WWOX: variants seen among roughly 807,000 people sequenced by gnomAD.
WWOX encodes WW domain-containing oxidoreductase.
A neutral mutation model predicts 46.2 loss-of-function variants in WWOX; 69 were observed. The ratio of observed to expected loss-of-function variants is 1.49; its 90% CI spans 1.23 to 1.82. WWOX has a LOEUF of 1.82. WWOX is among the 40% of genes most tolerant of loss of function. WWOX has a pLI of 0.00. For synonymous variants in WWOX, 359 were observed against 202.6 expected, an observed-to-expected ratio of 1.77 and a Z score of -6.56; for missense variants, 919 against 542.6, an observed-to-expected ratio of 1.69 and a Z score of -6.89.
chr16:78,813,111 C>G (rs1038076806), intron 8 of WWOX, among the ~76,000 whole-genome samples: 1 of 148,736 alleles, frequency 6.7e-6, no homozygotes, highest in Non-Finnish European at 1.5e-5. Context: ...AACTTGTATA[C>G]ACGTTGTTCT....
intron 8 of WWOX, among the ~76,000 whole-genome samples, chr16:78,592,223 G>T (rs188150193): frequency 6.6e-6 from 1 of 152,112 alleles, no homozygotes; most frequent in Non-Finnish European, 1.5e-5. Context: ...TTTATTTTTT[G>T]TTTGTTTGTT....
intron 8 of WWOX, among the ~76,000 whole-genome samples, chr16:78,718,223 C>T (rs1292783983): frequency 6.6e-6 from 1 of 151,196 alleles, no homozygotes; most frequent in East Asian, 1.9e-4. Context: ...CATTTGTAAA[C>T]AATTATGTAG....
chr16:78,804,001 TAGAA>T (rs2050961984), intron 8 of WWOX, among the ~76,000 whole-genome samples: 1 of 152,064 alleles, frequency 6.6e-6, no homozygotes. Context: ...GATGATGAGA[TAGAA>T]AGATAGAAAC....
chr16:78,559,272 C>G (rs1336310636), intron 8 of WWOX, among the ~76,000 whole-genome samples: 2 of 152,190 alleles, frequency 1.3e-5, no homozygotes, highest in African/African-American at 4.8e-5. Context: ...AGAAAGAGCC[C>G]TCTGGCTTCA....
intron 8 of WWOX, among the ~76,000 whole-genome samples, chr16:78,908,546 A>AG (rs2045026916): frequency 6.6e-6 from 1 of 151,132 alleles, no homozygotes; most frequent in Non-Finnish European, 1.5e-5. Context: ...TCTCGGAAAA[A>AG]AAAAAAAGAG....
At chr16:78,493,384 C>T (rs952636336) in intron 8 of WWOX, among the ~76,000 whole-genome samples, 4 of 152,162 alleles carry the variant, frequency 2.6e-5, no homozygotes, top group Non-Finnish European at 5.9e-5. Flanking sequence ...TTCATTTAGG[C>T]GTGGCTTGAT....
chr16:78,370,765 T>A (rs2081658333), intron 5 of WWOX, among the ~76,000 whole-genome samples: 1 of 121,288 alleles, frequency 8.2e-6, no homozygotes, highest in African/African-American at 3.0e-5. Context: ...CTTTTAAACT[T>A]TAAACTTTTT....
intron 5 of WWOX, among the ~76,000 whole-genome samples, chr16:78,262,278 T>G: frequency 6.6e-6 from 1 of 151,162 alleles, no homozygotes; most frequent in Non-Finnish European, 1.5e-5. Flanking sequence ...TGTATCTCTG[T>G]TAGATAGAGA....
At chr16:79,090,455 C>T (rs2048937264) in intron 8 of WWOX, among the ~76,000 whole-genome samples, 1 of 152,094 alleles carries the variant, frequency 6.6e-6, no homozygotes, top group Non-Finnish European at 1.5e-5. Context: ...CAGCAGTGAA[C>T]AAAGGAAATC....
chr16:79,019,579 A>G (rs374656611), intron 8 of WWOX, among the ~76,000 whole-genome samples: 7 of 152,132 alleles, frequency 4.6e-5, no homozygotes, highest in African/African-American at 1.7e-4. Flanking sequence ...TAGGGGAAAA[A>G]ACAAAAGCAG....
intron 8 of WWOX, among the ~76,000 whole-genome samples, chr16:78,741,428 C>T (rs145229475): frequency 1.4e-4 from 22 of 152,150 alleles, no homozygotes; most frequent in African/African-American, 3.6e-4. Flanking sequence ...GGCGTGGTGG[C>T]GCATGTCTGT....
chr16:78,206,655 G>A (rs1303103350), intron 5 of WWOX, among the ~76,000 whole-genome samples: 2 of 152,116 alleles, frequency 1.3e-5, no homozygotes, highest in African/African-American at 2.4e-5. Flanking sequence ...TACTTTTGTA[G>A]ATACAATTAA....
chr16:78,573,281 A>G lies in WWOX; in HGVS notation c.1056+140529A>G, dbSNP rs1429102875. Among the ~76,000 whole-genome samples, 25 of 152,240 alleles carry G rather than the reference A, an allele frequency of 1.6e-4. 1 individual carries two copies. The highest frequency in any genetic ancestry group is 5.9e-5 in the Non-Finnish European group (4 of 68,044). On this transcript the variant is annotated intron_variant, in intron 8 of 8. Transcript: ENST00000566780. ...AGCCTGGGCAACACAGCGTGACTCCATCTCAAAACAAACAAACAAAACAAA... is the reference window on the plus strand; with the variant it reads ...AGCCTGGGCAACACAGCGTGACTCCGTCTCAAAACAAACAAACAAAACAAA...
At chr16:78,749,703 A>G (rs1284159297) in intron 8 of WWOX, among the ~76,000 whole-genome samples, 1 of 152,192 alleles carries the variant, frequency 6.6e-6, no homozygotes, top group African/African-American at 2.4e-5. Context: ...CATTTAATAT[A>G]TATCTGTGAA....
At chr16:78,243,622 C>CT (rs1286660326) in intron 5 of WWOX, among the ~76,000 whole-genome samples, 1 of 152,184 alleles carries the variant, frequency 6.6e-6, no homozygotes, top group African/African-American at 2.4e-5. Context: ...TCTTGGCTCA[C>CT]TGCAACCTCC....
At chr16:78,354,332 G>C (rs1220032105) in intron 5 of WWOX, among the ~76,000 whole-genome samples, 7 of 18,106 alleles carry the variant, frequency 3.9e-4, no homozygotes, top group African/African-American at 2.3e-3. Flanking sequence ...TTTTTGGTCA[G>C]GTGTGTAGGT....
intron 5 of WWOX, among the ~76,000 whole-genome samples, chr16:78,288,755 TG>T (rs2079811562): frequency 6.6e-6 from 1 of 152,174 alleles, no homozygotes. Flanking sequence ...CTAACCACAA[TG>T]GGTCATAATT....
rs1036470060 is a variant in WWOX, at chr16:78,961,840, T to G, written c.1057-249768T>G. Among the ~76,000 whole-genome samples, 20 of 152,200 alleles carry G rather than the reference T, an allele frequency of 1.3e-4. 1 individual carries two copies. The highest frequency in any genetic ancestry group is 4.8e-4 in the African/African-American group (20 of 41,450). The stretch of plus-strand genomic sequence containing the variant: ...TTAATGCATCTCTATTTCTGCTACA[T>G]CTTCCATGAAGTTGATTTTGCAGAA... On this transcript the variant is annotated intron_variant, in intron 8 of 8. Transcript: ENST00000566780.
At chr16:78,526,741 C>A (rs2043479283) in intron 8 of WWOX, among the ~76,000 whole-genome samples, 1 of 152,096 alleles carries the variant, frequency 6.6e-6, no homozygotes, top group Admixed American at 6.6e-5. Context: ...ATGCCCAGGC[C>A]CCTACTAGGA....
Sources: gnomAD v4.1 joint callset for allele counts (sites outside exome capture counted in the v4.1 genomes callset) on GRCh38, gnomAD v4.1.1 for gene constraint, MANE v1.5 for transcripts, NCBI Gene and HGNC (gene_info 2026-07-23, HGNC 2026-07-21) for gene names.